The following DIAPH3 variants were observed in gnomAD, a reference collection of about 807,000 sequenced individuals.
The protein encoded by DIAPH3 is protein diaphanous homolog 3.
In DIAPH3, 117 loss-of-function variants were observed where a neutral mutation model predicts 144.3. That is an observed-to-expected ratio of 0.81 (90% CI 0.70 to 0.95). DIAPH3 has a LOEUF of 0.95. DIAPH3 is among the 40% of genes least tolerant of loss of function. DIAPH3 has a pLI of 0.00. For synonymous variants in DIAPH3, 519 were observed against 488.9 expected (o/e 1.06, Z -0.81); for missense variants, 1,421 against 1,412.7 (o/e 1.01, Z -0.09).
At chr13:59,880,559 C>T (rs2044948513) in intron 20 of DIAPH3, among the ~76,000 whole-genome samples, 1 of 152,050 alleles carries the variant, frequency 6.6e-6, no homozygotes, top group South Asian at 2.1e-4. Context: ...ATACAGAAAG[C>T]TATCAGCTCA....
At chr13:59,906,158 T>G (rs1331432527) in intron 20 of DIAPH3, among the ~76,000 whole-genome samples, 2 of 152,144 alleles carry the variant, frequency 1.3e-5, no homozygotes, top group African/African-American at 2.4e-5. Flanking sequence ...TTAAAAAACC[T>G]GAGGCACGGA....
chr13:59,815,689 C>G (rs1593530073), intron 24 of DIAPH3, among the ~76,000 whole-genome samples: 1 of 152,086 alleles, frequency 6.6e-6, no homozygotes, highest in Non-Finnish European at 1.5e-5. Context: ...ATCCTGGGTT[C>G]AAGTGATCCT....
At chr13:60,000,096 T>C (rs1288866988) in intron 9 of DIAPH3, among the ~76,000 whole-genome samples, 1 of 152,192 alleles carries the variant, frequency 6.6e-6, no homozygotes, top group Non-Finnish European at 1.5e-5. Context: ...ACCATGTGTA[T>C]GCCAGACACT....
intron 3 of DIAPH3, among the ~76,000 whole-genome samples, chr13:60,099,378 GCA>G (rs1469614621): frequency 3.3e-5 from 5 of 152,154 alleles, no homozygotes; most frequent in African/African-American, 1.2e-4. Context: ...ATACACAGAT[GCA>G]CATTTTGTAG....
intron 17 of DIAPH3, among the ~76,000 whole-genome samples, chr13:59,936,135 T>C (rs2048249546): frequency 6.6e-6 from 1 of 152,142 alleles, no homozygotes; most frequent in African/African-American, 2.4e-5. Context: ...TAGTCATATG[T>C]ACAAAAGAAC....
At chr13:60,132,146 G>A (rs1369790615) in intron 2 of DIAPH3, among the ~76,000 whole-genome samples, 1 of 152,174 alleles carries the variant, frequency 6.6e-6, no homozygotes, top group Non-Finnish European at 1.5e-5. Context: ...AGTCATTCAT[G>A]TCAAGATCTA....
chr13:59,693,588 G>A (rs535495423), intron 27 of DIAPH3, among the ~76,000 whole-genome samples: 2 of 152,218 alleles, frequency 1.3e-5, no homozygotes, highest in South Asian at 4.1e-4. Context: ...GAAACTCATT[G>A]CGGAACAAAA....
At chr13:60,026,134 T>C (rs1013575564) in intron 5 of DIAPH3, among the ~76,000 whole-genome samples, 5 of 152,308 alleles carry the variant, frequency 3.3e-5, no homozygotes, top group Admixed American at 6.5e-5. Context: ...AATTCAAGGC[T>C]TGAGTTCTAC....
intron 20 of DIAPH3, among the ~76,000 whole-genome samples, chr13:59,890,073 T>C (rs2045694511): frequency 6.6e-6 from 1 of 152,152 alleles, no homozygotes; most frequent in Non-Finnish European, 1.5e-5. Flanking sequence ...GCTGAACCTC[T>C]AGTATCTCTG....
At chr13:59,746,739 T>C (rs1447580275) in intron 27 of DIAPH3, among the ~76,000 whole-genome samples, 2 of 152,204 alleles carry the variant, frequency 1.3e-5, no homozygotes, top group Admixed American at 6.5e-5. Context: ...AAGTCTGGAA[T>C]GAAGTTCATA....
At chr13:60,076,019 CT>C (rs1469882356) in intron 4 of DIAPH3, among the ~76,000 whole-genome samples, 1 of 152,234 alleles carries the variant, frequency 6.6e-6, no homozygotes, top group Non-Finnish European at 1.5e-5. Context: ...GACAAAATTC[CT>C]CCTAAGACAA....
chr13:60,131,520 G>A (rs1014855198), intron 2 of DIAPH3, among the ~76,000 whole-genome samples: 5 of 150,060 alleles, frequency 3.3e-5, no homozygotes, highest in South Asian at 2.1e-4. Flanking sequence ...TATGGTAAGC[G>A]AAATAAGTGA....
intron 2 of DIAPH3, among the ~76,000 whole-genome samples, chr13:60,125,573 T>C (rs556195499): frequency 2.0e-5 from 3 of 151,906 alleles, no homozygotes; most frequent in Non-Finnish European, 4.4e-5. Flanking sequence ...ACTCCCTAAG[T>C]AAATTCTCCA....
chr13:59,861,492 A>G lies in DIAPH3; in HGVS notation c.2652T>C (p.His884=). ...TCTCTTCACATATTTCTACCAGGAA[A>G]TGAAGTAGCGTTGTTTTCTGATCTG... ...KSADQKTTLL[H]FLVEICEEKY... The change falls in exon 22 of 28, where the codon CAT becomes CAC. Residue 884 remains histidine, a synonymous_variant. Transcript: ENST00000400324. 2 of 1,613,846 alleles carry G rather than the reference A, an allele frequency of 1.2e-6. No individual in the cohort carries two copies. The highest frequency in any genetic ancestry group is 2.2e-5 in the South Asian group (2 of 91,072).
chr13:59,796,534 GA>G (rs1347467389), intron 25 of DIAPH3, among the ~76,000 whole-genome samples: 1 of 152,160 alleles, frequency 6.6e-6, no homozygotes, highest in African/African-American at 2.4e-5. Context: ...CTTCCATTCA[GA>G]AAATTAAGAG....
intron 12 of DIAPH3, among the ~76,000 whole-genome samples, chr13:59,989,372 ATTTTTAAGAATTTTTTTAAGAAATT>A (rs964040282): frequency 2.0e-5 from 3 of 150,680 alleles, no homozygotes; most frequent in African/African-American, 7.3e-5. Flanking sequence ...TTTAAGAAAT[ATTTTTAAGAATTTTTTTAAGAAATT>A]TTTTTAAAGA....
At chr13:59,871,187 A>G (rs886913726) in intron 21 of DIAPH3, among the ~76,000 whole-genome samples, 1 of 60,016 alleles carries the variant, frequency 1.7e-5, no homozygotes, top group African/African-American at 4.8e-5. Flanking sequence ...TTTTTTGTCC[A>G]TTTTTTTTGG....
chr13:59,736,224 T>C (rs2036146690), intron 27 of DIAPH3, among the ~76,000 whole-genome samples: 3 of 152,170 alleles, frequency 2.0e-5, no homozygotes. Context: ...CATGTCTTTG[T>C]TATTGTGAAA....
At chr13:59,939,620 C>G (rs1316751783) in intron 17 of DIAPH3, among the ~76,000 whole-genome samples, 1 of 152,168 alleles carries the variant, frequency 6.6e-6, no homozygotes, top group African/African-American at 2.4e-5. Context: ...CATCCTTATG[C>G]TTAAAAGCCT....
Sources: gnomAD v4.1 joint callset for allele counts (sites outside exome capture counted in the v4.1 genomes callset) on GRCh38, gnomAD v4.1.1 for gene constraint, MANE v1.5 for transcripts, NCBI Gene and HGNC (gene_info 2026-07-23, HGNC 2026-07-21) for gene names.